The following SLC24A2 variants were observed in gnomAD, a reference collection of about 807,000 sequenced individuals.
SLC24A2 encodes the protein solute carrier family 24 member 2, also known as sodium/potassium/calcium exchanger 2.
A neutral mutation model predicts 62.0 loss-of-function variants in SLC24A2; 36 were observed. That is an observed-to-expected ratio of 0.58 (90% CI 0.44 to 0.77). The LOEUF is 0.77. Ranked by LOEUF, SLC24A2 falls within the 30% of genes least tolerant of loss-of-function variation. SLC24A2 has a pLI of 0.00. For missense variants in SLC24A2, 846 were observed against 817.9 expected, an observed-to-expected ratio of 1.03 and a Z score of -0.42; for synonymous variants, 358 against 294.0, an observed-to-expected ratio of 1.22 and a Z score of -2.23.
chr9:19,531,562 C>G (rs1833708571), intron 8 of SLC24A2, among the ~76,000 whole-genome samples: 1 of 152,152 alleles, frequency 6.6e-6, no homozygotes, highest in Non-Finnish European at 1.5e-5. Context: ...GTGATATCGG[C>G]TTGGCTTGGA....
At chr9:19,627,328 T>C (rs1818059047) in intron 2 of SLC24A2, among the ~76,000 whole-genome samples, 1 of 152,314 alleles carries the variant, frequency 6.6e-6, no homozygotes, top group South Asian at 2.1e-4. Context: ...TTTGAGATAG[T>C]AGAAAAATTT....
chr9:20,190,558 C>T, the SLC24A2 span, among the ~76,000 whole-genome samples: 6 of 152,048 alleles, frequency 3.9e-5, no homozygotes, highest in Non-Finnish European at 8.8e-5. Flanking sequence ...GAACATACTC[C>T]TACTAGTCCC....
At chr9:19,785,446 G>T (rs1365586588) in intron 2 of SLC24A2, among the ~76,000 whole-genome samples, 1 of 152,190 alleles carries the variant, frequency 6.6e-6, no homozygotes, top group Non-Finnish European at 1.5e-5. Flanking sequence ...GACAAGCCCT[G>T]CTGGGCTAGG....
chr9:19,887,596 T>A, the SLC24A2 span, among the ~76,000 whole-genome samples: 1 of 152,308 alleles, frequency 6.6e-6, no homozygotes, highest in East Asian at 1.9e-4. Flanking sequence ...CTTCTAACAC[T>A]GCTGGTGGAA....
the SLC24A2 span, among the ~76,000 whole-genome samples, chr9:20,277,423 A>C: frequency 1.3e-5 from 2 of 151,778 alleles, no homozygotes; most frequent in Middle Eastern, 6.8e-3. Flanking sequence ...AAAAGTGGGC[A>C]AAGGATATGA....
the SLC24A2 span, among the ~76,000 whole-genome samples, chr9:20,202,399 T>C: frequency 1.3e-5 from 2 of 152,144 alleles, no homozygotes; most frequent in Non-Finnish European, 2.9e-5. Flanking sequence ...CAGAGTGTCT[T>C]TGTTCTTCAC....
At chr9:19,605,740 G>A (rs184066219) in intron 4 of SLC24A2, among the ~76,000 whole-genome samples, 1 of 152,326 alleles carries the variant, frequency 6.6e-6, no homozygotes, top group Non-Finnish European at 1.5e-5. Flanking sequence ...TAATGATGTG[G>A]CAAGCACTGT....
At chr9:20,019,875 G>GAAA in the SLC24A2 span, among the ~76,000 whole-genome samples, 1 of 121,548 alleles carries the variant, frequency 8.2e-6, no homozygotes, top group East Asian at 2.1e-4. Flanking sequence ...AAATTTACCA[G>GAAA]AAAAAAAAAA....
At chr9:19,940,179 G>C in the SLC24A2 span, among the ~76,000 whole-genome samples, 1 of 152,200 alleles carries the variant, frequency 6.6e-6, no homozygotes, top group East Asian at 1.9e-4. Context: ...TTTTCTCTGG[G>C]ACACTCCCAG....
At chr9:20,295,578 G>T in the SLC24A2 span, among the ~76,000 whole-genome samples, 1 of 152,182 alleles carries the variant, frequency 6.6e-6, no homozygotes, top group Non-Finnish European at 1.5e-5. Context: ...GGCAGGCACT[G>T]TCTAATCAGC....
the SLC24A2 span, among the ~76,000 whole-genome samples, chr9:20,131,796 G>A: frequency 6.6e-6 from 1 of 152,092 alleles, no homozygotes; most frequent in Non-Finnish European, 1.5e-5. Context: ...GCAGGCCATT[G>A]AGCAAAAGCA....
chr9:20,015,864 G>T, the SLC24A2 span, among the ~76,000 whole-genome samples: 20 of 152,116 alleles, frequency 1.3e-4, no homozygotes, highest in Non-Finnish European at 2.6e-4. Context: ...CAATTCCAAG[G>T]CAACAGGAAA....
chr9:19,570,401 TCTC>T (rs1835803891), intron 7 of SLC24A2, among the ~76,000 whole-genome samples: 1 of 152,212 alleles, frequency 6.6e-6, no homozygotes, highest in African/African-American at 2.4e-5. Flanking sequence ...AGTTTTTACA[TCTC>T]CTCTATTTAG....
At chr9:19,825,917 T>C in the SLC24A2 span, among the ~76,000 whole-genome samples, 5 of 152,148 alleles carry the variant, frequency 3.3e-5, no homozygotes, top group Non-Finnish European at 7.4e-5. Context: ...GGCAGGTCCA[T>C]TGACTCAAGA....
chr9:19,686,644 T>G (rs2118432819), intron 2 of SLC24A2, among the ~76,000 whole-genome samples: 1 of 152,222 alleles, frequency 6.6e-6, no homozygotes, highest in Middle Eastern at 3.4e-3. Context: ...TTCCCTTTGC[T>G]CAGCACTTCT....
the SLC24A2 span, among the ~76,000 whole-genome samples, chr9:20,134,926 C>A: frequency 6.6e-6 from 1 of 152,144 alleles, no homozygotes; most frequent in Non-Finnish European, 1.5e-5. Context: ...TATTCAGGGA[C>A]AAACAAAATC....
chr9:20,102,828 A>T, the SLC24A2 span, among the ~76,000 whole-genome samples: 1 of 152,120 alleles, frequency 6.6e-6, no homozygotes, highest in African/African-American at 2.4e-5. Context: ...CTCACTAGGG[A>T]GTGCCAGACA....
the SLC24A2 span, among the ~76,000 whole-genome samples, chr9:20,272,389 T>C: frequency 6.6e-6 from 1 of 152,192 alleles, no homozygotes; most frequent in East Asian, 1.9e-4. Flanking sequence ...TGGCAGTTCA[T>C]CCTGACAAGT....
intron 2 of SLC24A2, among the ~76,000 whole-genome samples, chr9:19,676,783 T>C (rs1587137419): frequency 6.6e-6 from 1 of 152,328 alleles, no homozygotes; most frequent in South Asian, 2.1e-4. Context: ...GATTTGGCTT[T>C]GGAAAGAAAC....
Sources: gnomAD v4.1 joint callset for allele counts (sites outside exome capture counted in the v4.1 genomes callset) on GRCh38, gnomAD v4.1.1 for gene constraint, MANE v1.5 for transcripts, NCBI Gene and HGNC (gene_info 2026-07-23, HGNC 2026-07-21) for gene names.